RSF1: variants seen among roughly 807,000 people sequenced by gnomAD.
RSF1 encodes the protein HBV pX-associated protein 8.
Under a neutral mutation model 145.2 loss-of-function variants are expected in RSF1, and 13 were observed. That is an observed-to-expected ratio of 0.09 (90% CI 0.06 to 0.14). The LOEUF is 0.14. Ranked by LOEUF, RSF1 falls within the 10% of genes least tolerant of loss-of-function variation. RSF1 has a pLI of 1.00. For missense variants in RSF1, 1,517 were observed against 1,718.2 expected, an observed-to-expected ratio of 0.88 and a Z score of 2.07; for synonymous variants, 577 against 592.6, an observed-to-expected ratio of 0.97 and a Z score of 0.38.
intron 5 of RSF1, among the ~76,000 whole-genome samples, chr11:77,707,639 A>G (rs1288416507): frequency 1.3e-5 from 2 of 152,214 alleles, no homozygotes; most frequent in African/African-American, 4.8e-5. Context: ...ACCAACCAGC[A>G]AAGTTTTTAT....
At chr11:77,850,771 C>T in the RSF1 span, 1 of 102,968 alleles carries the variant, frequency 9.7e-6, no homozygotes, top group African/African-American at 4.9e-5. Flanking sequence ...AACACACACA[C>T]ACATACACAC....
chr11:77,667,062 G>C lies in RSF1; in HGVS notation c.4181C>G (p.Pro1394Arg), dbSNP rs1456903706. ...TGCACTGGCTGTGCTGTTGTCCTTG[G>C]GGGTCTGAGACTTCTCAGTAGGCTT... ...IGKPTEKSQT[P>R]KDNSTASASL... Residue 1394 changes from proline to arginine, a missense_variant, in exon 16 of 16, where the codon CCC becomes CGC. Physicochemically the swap from Pro to Arg is moderately radical, Grantham distance 103. Around this residue, in one of 12 missense-constraint regions of RSF1, gnomAD observed 240 missense variants for 231.8 expected, o/e 1.04. Coordinates refer to ENST00000308488, the MANE Select transcript of RSF1 (RefSeq NM_016578.4). The C allele has an allele frequency of 6.2e-7, 1 of 1,613,974 alleles. No homozygotes were observed. Among genetic ancestry groups the C allele is most frequent in the Non-Finnish European group, 8.5e-7 (1 of 1,179,998 alleles).
the RSF1 span, among the ~76,000 whole-genome samples, chr11:77,850,045 G>A: frequency 2.0e-5 from 3 of 152,172 alleles, no homozygotes. Flanking sequence ...TGCCAGTAAA[G>A]CAAGAACTCA....
At chr11:77,674,067 T>A (rs931642969) in intron 14 of RSF1, among the ~76,000 whole-genome samples, 16 of 152,188 alleles carry the variant, frequency 1.1e-4, no homozygotes, top group Non-Finnish European at 1.6e-4. Flanking sequence ...TAGCATTATA[T>A]CAATGTTAAA....
chr11:77,853,227 A>C, the RSF1 span, among the ~76,000 whole-genome samples: 1 of 152,234 alleles, frequency 6.6e-6, no homozygotes, highest in African/African-American at 2.4e-5. Flanking sequence ...CAGTATTTGT[A>C]TTAGTCCATT....
At chr11:77,797,995 G>A (rs1948589514) in intron 1 of RSF1, among the ~76,000 whole-genome samples, 1 of 152,172 alleles carries the variant, frequency 6.6e-6, no homozygotes, top group South Asian at 2.1e-4. Context: ...TCATTAAAAA[G>A]TCAGGAAACA....
intron 15 of RSF1, among the ~76,000 whole-genome samples, chr11:77,669,996 G>A (rs1189045518): frequency 1.3e-5 from 2 of 152,158 alleles, no homozygotes; most frequent in Non-Finnish European, 2.9e-5. Context: ...CAGTGTGGTG[G>A]CTTATGCCAC....
chr11:77,696,066 T>A (rs1960270671), intron 7 of RSF1, among the ~76,000 whole-genome samples: 1 of 152,230 alleles, frequency 6.6e-6, no homozygotes, highest in Non-Finnish European at 1.5e-5. Flanking sequence ...TACATTAGTA[T>A]TATACTTCCG....
At chr11:77,822,532 C>A, upstream of RSF1, among the ~76,000 whole-genome samples, 1 of 149,300 alleles carries the variant, frequency 6.7e-6, no homozygotes, top group East Asian at 2.0e-4. Context: ...ATATGAGTAA[C>A]AGGGAAAATG....
intron 8 of RSF1, 21 bp from the exon 9 acceptor site, chr11:77,691,259 A>G: frequency 1.2e-6 from 2 of 1,609,882 alleles, no homozygotes; most frequent in Admixed American, 1.7e-5. Context: ...AAAATAGATA[A>G]AAGTCATTTT....
At chr11:77,821,803 TG>T (rs1211889494), upstream of RSF1, among the ~76,000 whole-genome samples, 1 of 152,156 alleles carries the variant, frequency 6.6e-6, no homozygotes, top group Non-Finnish European at 1.5e-5. Context: ...ATGTGCAGCC[TG>T]AGAAGCAGCA....
chr11:77,744,568 G>A (rs1947979304), intron 3 of RSF1, among the ~76,000 whole-genome samples: 1 of 152,202 alleles, frequency 6.6e-6, no homozygotes, highest in Non-Finnish European at 1.5e-5. Flanking sequence ...GCTTCCCAAA[G>A]TGCTGGGATT....
At chr11:77,774,026 A>T (rs979864590) in intron 1 of RSF1, among the ~76,000 whole-genome samples, 2 of 152,214 alleles carry the variant, frequency 1.3e-5, no homozygotes, top group African/African-American at 2.4e-5. Flanking sequence ...AAATAAAGGT[A>T]AGCTCTTTAA....
rs190915703 is a variant in RSF1 at position 77,741,515 on chromosome 11, C to T, written c.373-579G>A. On this transcript the variant is annotated intron_variant, in intron 3 of 15. Coordinates refer to ENST00000308488, the MANE Select transcript of RSF1 (RefSeq NM_016578.4). ...CTCTGGCTTGGGCAACAGAGCAAGA[C>T]CCTGTCTCAAAAAAAAATTTCTATT... 3.3e-4 allele frequency among the ~76,000 whole-genome samples: 50 copies of T among 151,786 alleles called. 1 individual carries two copies. In the East Asian group the frequency reaches 9.3e-3, roughly 28 times the overall value.
At chr11:77,679,672 C>CA (rs529571713) in intron 11 of RSF1, among the ~76,000 whole-genome samples, 6,086 of 84,336 alleles carry the variant, frequency 0.072, 376 homozygotes, top group African/African-American at 0.21. Flanking sequence ...GACCCTGTCT[C>CA]AAAAAAAAAA....
At chr11:77,766,396 T>C (rs1181716146) in intron 1 of RSF1, among the ~76,000 whole-genome samples, 1 of 152,144 alleles carries the variant, frequency 6.6e-6, no homozygotes, top group African/African-American at 2.4e-5. Context: ...ATAAAAACAT[T>C]CACCCATTCA....
intron 14 of RSF1, among the ~76,000 whole-genome samples, chr11:77,674,023 T>C (rs535997814): frequency 6.6e-4 from 101 of 152,304 alleles, no homozygotes; most frequent in African/African-American, 2.4e-3. Context: ...GAGATACTTG[T>C]TAAAAATTTG....
At chr11:77,689,117 G>A (rs1331484319) in intron 9 of RSF1, among the ~76,000 whole-genome samples, 13 of 152,134 alleles carry the variant, frequency 8.5e-5, no homozygotes, top group Admixed American at 6.5e-4. Flanking sequence ...GTGTATAAAC[G>A]GGCATCAAGT....
At chr11:77,869,022 G>A in the RSF1 span, 1 of 340,702 alleles carries the variant, frequency 2.9e-6, no homozygotes, top group South Asian at 3.7e-5. Flanking sequence ...TTTTGCCATG[G>A]TAACATTTGT....
Sources: allele counts gnomAD v4.1 joint callset (sites outside exome capture counted in the v4.1 genomes callset), GRCh38; gene constraint gnomAD v4.1.1; regional missense constraint gnomAD v4.1.1; transcripts MANE v1.5; gene names NCBI Gene and HGNC (gene_info 2026-07-23, HGNC 2026-07-21).